The following ANKRD45 variants were observed in gnomAD, a reference collection of about 807,000 sequenced individuals.
ANKRD45 encodes the protein ankyrin repeat domain 45.
ANKRD45 carries 21 observed loss-of-function variants against 28.1 expected under a neutral mutation model. The ratio of observed to expected loss-of-function variants is 0.75; its 90% CI spans 0.53 to 1.08. The LOEUF (loss-of-function observed/expected upper bound fraction) is 1.08, where lower values mean the gene tolerates loss of function less well. Among genes scored for constraint, ANKRD45 ranks in the 50% least tolerant of loss-of-function variants. The pLI is 0.00. For synonymous variants in ANKRD45, 86 were observed against 103.9 expected (o/e 0.83, Z 1.05); for missense variants, 261 against 308.7 (o/e 0.85, Z 1.16).
At chr1:173,612,311 G>GGAAA (rs1280719226) in intron 5 of ANKRD45, among the ~76,000 whole-genome samples, 4 of 111,500 alleles carry the variant, frequency 3.6e-5, no homozygotes, top group South Asian at 2.7e-4. Context: ...AAAGAAGGAA[G>GGAAA]GAAGGAAAGA....
At chr1:173,693,164 G>A in the ANKRD45 span, among the ~76,000 whole-genome samples, 2 of 152,026 alleles carry the variant, frequency 1.3e-5, no homozygotes, top group Non-Finnish European at 2.9e-5. Context: ...GCCAGGCATG[G>A]TGGCAAGTGC....
chr1:173,641,936 G>A lies in ANKRD45; in HGVS notation c.496+4910C>T, dbSNP rs189681277. 1.7e-4 allele frequency among the ~76,000 whole-genome samples: 26 copies of A among 152,282 alleles called. 2 individuals are homozygous for A. Among genetic ancestry groups the A allele is most frequent in the African/African-American group, 5.5e-4 (23 of 41,554 alleles). On this transcript the variant is annotated intron_variant, in intron 3 of 5. Transcript: ENST00000333279. ...CATAAATTATACTAGGGACTCCATC[G>A]AAGGGATAGCTGAGCAAATAAGACC... is the stretch of plus-strand genomic sequence containing the variant.
rs1668955063 is a variant in ANKRD45, at chr1:173,646,831, T to C, written c.496+15A>G. On this transcript the variant is annotated intron_variant, in intron 3 of 5. Coordinates refer to ENST00000333279, the MANE Select transcript of ANKRD45 (RefSeq NM_198493.3). ...CACATCAGTCAGTTTGCTAACCCCT[T>C]GTGAGCTTCCTTACCTGCCCAGTCC... 6.2e-7 allele frequency: 1 copy of C among 1,611,624 alleles called. No individual in the cohort carries two copies. The highest frequency in any genetic ancestry group is 1.1e-5 in the South Asian group (1 of 90,734).
At chr1:173,711,431 G>C in the ANKRD45 span, among the ~76,000 whole-genome samples, 2 of 152,228 alleles carry the variant, frequency 1.3e-5, no homozygotes, top group Non-Finnish European at 2.9e-5. Flanking sequence ...CAGGGAGAAG[G>C]CTTCCAGGTC....
rs530670164 is a variant in ANKRD45 at position 173,617,505 on chromosome 1, G to C, written c.730+7282C>G. Among the ~76,000 whole-genome samples the C allele has an allele frequency of 9.8e-5, 15 of 152,360 alleles. No individual in the cohort carries two copies. In the South Asian group the frequency reaches 1.9e-3, roughly 19 times the overall value. ...TCCTGCACAATGCAGCACAGCTGCT[G>C]TGCCAGATTGTGGCCAGATTGCTTC... On this transcript the variant is annotated intron_variant, in intron 5 of 5. Transcript: ENST00000333279.
chr1:173,617,221 T>C (rs1348225397), intron 5 of ANKRD45, among the ~76,000 whole-genome samples: 4 of 152,036 alleles, frequency 2.6e-5, no homozygotes, highest in African/African-American at 9.7e-5. Context: ...GGAGATCCAT[T>C]TATATGCTCC....
the ANKRD45 span, among the ~76,000 whole-genome samples, chr1:173,695,542 C>T: frequency 6.6e-6 from 1 of 152,136 alleles, no homozygotes; most frequent in Non-Finnish European, 1.5e-5. Context: ...ATCACTCTTT[C>T]TTATGGTGCC....
Position 173,659,434 on chromosome 1 carries a change from C to G in ANKRD45, c.-15-1G>C. The G allele has an allele frequency of 1.3e-6, 2 of 1,506,196 alleles. No individual in the cohort carries two copies. The highest frequency in any genetic ancestry group is 1.8e-6 in the Non-Finnish European group (2 of 1,129,258). 93.3% of individuals were successfully genotyped at this position (1,506,196 alleles called of 1,614,324 possible). A position where few individuals can be genotyped will look rare whatever the true frequency, so the allele number is the denominator to read the frequency against. On this transcript the variant is annotated splice_acceptor_variant, in intron 1 of 5. Transcript: ENST00000333279. LOFTEE classifies it low-confidence loss of function (5UTR_SPLICE). ...CTGACTCCATTAACTCCAAAAATAC[C>G]TATGACCAAAAAAATAAAAAAGTGA...
chr1:173,630,011 A>G (rs1170364219), intron 3 of ANKRD45, among the ~76,000 whole-genome samples: 2 of 152,230 alleles, frequency 1.3e-5, no homozygotes, highest in Admixed American at 6.5e-5. Flanking sequence ...GTGGCATGAC[A>G]TATTTAAAGT....
At chr1:173,636,505 T>C (rs909138178) in intron 3 of ANKRD45, among the ~76,000 whole-genome samples, 4 of 152,204 alleles carry the variant, frequency 2.6e-5, no homozygotes, top group South Asian at 4.1e-4. Flanking sequence ...GTGTTATACC[T>C]TGAGGTTCTT....
At chr1:173,668,359 T>C (rs949469445) in intron 1 of ANKRD45, among the ~76,000 whole-genome samples, 4 of 152,120 alleles carry the variant, frequency 2.6e-5, no homozygotes, top group African/African-American at 7.2e-5. Context: ...CTCAGCGCAA[T>C]TGAGTGAGCC....
chr1:173,613,782 A>G (rs2102310415), intron 5 of ANKRD45, among the ~76,000 whole-genome samples: 1 of 152,326 alleles, frequency 6.6e-6, no homozygotes, highest in African/African-American at 2.4e-5. Flanking sequence ...CCAACAGCTC[A>G]TTGAGAATGG....
At chr1:173,639,695 A>G (rs2102347151) in intron 3 of ANKRD45, among the ~76,000 whole-genome samples, 1 of 152,344 alleles carries the variant, frequency 6.6e-6, no homozygotes, top group Middle Eastern at 3.4e-3. Flanking sequence ...GACTAAGGCC[A>G]TTCCAAAGTG....
In ANKRD45 at chr1:173,609,933, G is replaced by C; in HGVS notation, c.*212C>G. Reference sequence around the variant, plus strand: ...CCCAAGTGCTTTCCTGAAGGAGCACGTGAAACTCACATGGGGCTGTGCTTG... The same window carrying C: ...CCCAAGTGCTTTCCTGAAGGAGCACCTGAAACTCACATGGGGCTGTGCTTG... On this transcript the variant is annotated 3_prime_UTR_variant, in exon 6 of 6. Transcript: ENST00000333279. 1 of 543,784 alleles carries C rather than the reference G, an allele frequency of 1.8e-6. No homozygotes were observed. Among genetic ancestry groups the C allele is most frequent in the Non-Finnish European group, 3.3e-6 (1 of 307,516 alleles). The allele number at this position is 543,784 out of a possible 1,614,324, so 33.7% of individuals were successfully genotyped here. A position where few individuals can be genotyped will look rare whatever the true frequency, so the allele number is the denominator to read the frequency against.
At chr1:173,706,312 A>AC in the ANKRD45 span, among the ~76,000 whole-genome samples, 7 of 151,242 alleles carry the variant, frequency 4.6e-5, no homozygotes, top group Non-Finnish European at 1.0e-4. Context: ...AAAAAAAAAA[A>AC]AAAAAAAGAT....
At chr1:173,696,602 T>C in the ANKRD45 span, among the ~76,000 whole-genome samples, 2 of 152,184 alleles carry the variant, frequency 1.3e-5, no homozygotes, top group South Asian at 2.1e-4. Context: ...GCTTTATTTC[T>C]GGGTTCTCTA....
intron 5 of ANKRD45, among the ~76,000 whole-genome samples, chr1:173,613,664 C>G (rs1388761781): frequency 3.7e-4 from 54 of 145,954 alleles, no homozygotes; most frequent in Non-Finnish European, 3.0e-5. Flanking sequence ...TCAGCCCCCG[C>G]CTGGCCGCCG....
At chr1:173,703,848 A>C in the ANKRD45 span, among the ~76,000 whole-genome samples, 5 of 152,382 alleles carry the variant, frequency 3.3e-5, no homozygotes, top group East Asian at 9.6e-4. Context: ...GAGAAGGGAA[A>C]GTACTTATGT....
intron 4 of ANKRD45, 145 bp from the exon 5 acceptor site, chr1:173,625,070 G>A: frequency 1.4e-6 from 1 of 724,754 alleles, no homozygotes; most frequent in Non-Finnish European, 2.1e-6. Context: ...GTAGCCATTA[G>A]ATATAAATAG....
Sources: gnomAD v4.1 joint callset for allele counts (sites outside exome capture counted in the v4.1 genomes callset) on GRCh38, gnomAD v4.1.1 for gene constraint, MANE v1.5 for transcripts, NCBI Gene and HGNC (gene_info 2026-07-23, HGNC 2026-07-21) for gene names.